The following CLUAP1 variants were observed in gnomAD, a reference collection of about 807,000 sequenced individuals.
CLUAP1 encodes the protein clusterin-associated protein 1.
In CLUAP1, 50 loss-of-function variants were observed where a neutral mutation model predicts 55.0. The ratio of observed to expected loss-of-function variants is 0.91; its 90% CI spans 0.72 to 1.15. The LOEUF is 1.15. CLUAP1 is among the 50% of genes most tolerant of loss of function. CLUAP1 has a pLI of 0.00. For missense variants in CLUAP1, 530 were observed against 507.6 expected, an observed-to-expected ratio of 1.04 and a Z score of -0.42; for synonymous variants, 195 against 175.4, an observed-to-expected ratio of 1.11 and a Z score of -0.88.
upstream of CLUAP1, chr16:3,500,791 G>A: frequency 1.9e-6 from 1 of 533,662 alleles, no homozygotes; most frequent in Non-Finnish European, 3.3e-6. Context: ...CGTCCGCAAA[G>A]CGTGTAAACA....
At chr16:3,528,362 T>C (rs975958987) in intron 9 of CLUAP1, among the ~76,000 whole-genome samples, 2 of 152,136 alleles carry the variant, frequency 1.3e-5, no homozygotes, top group African/African-American at 4.8e-5. Context: ...CTTGTATCTC[T>C]CTCATTTTGC....
At chr16:3,512,042 C>T (rs374703614) in intron 4 of CLUAP1, among the ~76,000 whole-genome samples, 6 of 152,098 alleles carry the variant, frequency 3.9e-5, no homozygotes, top group East Asian at 1.9e-4. Context: ...CAAAATTAGC[C>T]GGGCGTGGTG....
intron 6 of CLUAP1, among the ~76,000 whole-genome samples, chr16:3,517,072 A>T (rs2037741685): frequency 6.6e-6 from 1 of 152,118 alleles, no homozygotes; most frequent in Non-Finnish European, 1.5e-5. Flanking sequence ...GAGGCTGAGG[A>T]GGAGCAGGTC....
At chr16:3,503,097 C>T (rs1056701907) in intron 1 of CLUAP1, among the ~76,000 whole-genome samples, 12 of 152,164 alleles carry the variant, frequency 7.9e-5, no homozygotes, top group African/African-American at 2.9e-4. Context: ...GCCCCAGCCT[C>T]CCCAGTAACT....
At chr16:3,535,991 C>A in intron 11 of CLUAP1, 131 bp from the exon 12 acceptor site, 1 of 1,052,198 alleles carries the variant, frequency 9.5e-7, no homozygotes, top group Non-Finnish European at 1.4e-6. Context: ...CTCCCACAGC[C>A]TGCTTGCCAC....
chr16:3,536,366 C>T lies in CLUAP1; in HGVS notation c.*95C>T. 1 of 1,361,426 alleles carries T rather than the reference C, an allele frequency of 7.3e-7. No individual in the cohort carries two copies. The highest frequency in any genetic ancestry group is 1.4e-5 in the African/African-American group (1 of 69,114). 84.3% of individuals were successfully genotyped at this position (1,361,426 alleles called of 1,614,324 possible). ...AGGAAGGTAACCCCTGTTTTGTTTACTAAGCTGGCTGGACTCATGATCACT... is the reference window on the plus strand; with the variant it reads ...AGGAAGGTAACCCCTGTTTTGTTTATTAAGCTGGCTGGACTCATGATCACT... On this transcript the variant is annotated 3_prime_UTR_variant, in exon 12 of 12. Transcript: ENST00000576634.
intron 9 of CLUAP1, among the ~76,000 whole-genome samples, chr16:3,529,058 C>T (rs923318023): frequency 7.3e-5 from 11 of 151,668 alleles, no homozygotes; most frequent in African/African-American, 1.9e-4. Flanking sequence ...TCAATATCTG[C>T]GAAGAACTGG....
chr16:3,500,356 A>G (rs566211762), upstream of CLUAP1, among the ~76,000 whole-genome samples: 1 of 144,172 alleles, frequency 6.9e-6, no homozygotes, highest in Admixed American at 6.9e-5. Context: ...GGGCTTCCTG[A>G]GTATAGTGCA....
chr16:3,520,817 C>T (rs2151058021), intron 7 of CLUAP1, among the ~76,000 whole-genome samples: 1 of 152,274 alleles, frequency 6.6e-6, no homozygotes, highest in East Asian at 1.9e-4. Context: ...ATATATTTCC[C>T]AGGAATACCG....
At chr16:3,523,580 C>T (rs917669298) in intron 8 of CLUAP1, among the ~76,000 whole-genome samples, 13 of 152,148 alleles carry the variant, frequency 8.5e-5, no homozygotes, top group East Asian at 3.9e-4. Flanking sequence ...GACCCTGTGC[C>T]GACATGGGGC....
At chr16:3,521,423 GGTTTTTTTTGTTTTT>G (rs1238704948) in intron 7 of CLUAP1, among the ~76,000 whole-genome samples, 2 of 151,246 alleles carry the variant, frequency 1.3e-5, no homozygotes, top group Non-Finnish European at 2.9e-5. Context: ...AGATTTTTAT[GGTTTTTTTTGTTTTT>G]GTTTTTTTTT....
chr16:3,506,180 G>C (rs780168359), intron 2 of CLUAP1, 151 bp from the exon 3 acceptor site: 5 of 626,818 alleles, frequency 8.0e-6, no homozygotes, highest in Non-Finnish European at 1.4e-5. Context: ...ATTTGGTTTT[G>C]CTTTTGAAGT....
chr16:3,509,471 G>T (rs748024658), intron 4 of CLUAP1, among the ~76,000 whole-genome samples: 3 of 152,242 alleles, frequency 2.0e-5, no homozygotes, highest in Non-Finnish European at 4.4e-5. Flanking sequence ...CGAAGCAGGC[G>T]GCAGGGCTGG....
intron 5 of CLUAP1, 114 bp from the exon 6 acceptor site, chr16:3,515,394 C>T (rs2037710728): frequency 2.9e-6 from 2 of 688,484 alleles, no homozygotes; most frequent in Admixed American, 3.2e-5. Context: ...ATCAGAGATC[C>T]ACATGGCAAT....
At chr16:3,511,682 C>T (rs545958141) in intron 4 of CLUAP1, among the ~76,000 whole-genome samples, 1 of 152,288 alleles carries the variant, frequency 6.6e-6, no homozygotes, top group South Asian at 2.1e-4. Context: ...CTATGCCCTC[C>T]TGGTTGTGGC....
intron 8 of CLUAP1, among the ~76,000 whole-genome samples, 193 bp from the exon 9 acceptor site, chr16:3,526,219 C>T (rs752826358): frequency 8.3e-4 from 127 of 152,166 alleles, no homozygotes; most frequent in Non-Finnish European, 1.5e-3. Context: ...ACGAGGCAAC[C>T]GCAGAGAGAA....
chr16:3,519,066 C>G (rs1416693934), intron 6 of CLUAP1, among the ~76,000 whole-genome samples: 1 of 152,206 alleles, frequency 6.6e-6, no homozygotes, highest in South Asian at 2.1e-4. Context: ...GAGATTGGAG[C>G]CTGAACCCCA....
upstream of CLUAP1, among the ~76,000 whole-genome samples, chr16:3,496,996 C>T (rs1257119793): frequency 2.6e-5 from 4 of 151,678 alleles, no homozygotes; most frequent in South Asian, 6.2e-4. Context: ...TCGGCCTCCC[C>T]AGCAGGTGGG....
chr16:3,507,067 G>A (rs919784373), intron 3 of CLUAP1, among the ~76,000 whole-genome samples: 1 of 151,788 alleles, frequency 6.6e-6, no homozygotes, highest in Non-Finnish European at 1.5e-5. Context: ...GTGGTGGCGG[G>A]CACCTGTAGT....
Sources: allele counts gnomAD v4.1 joint callset (sites outside exome capture counted in the v4.1 genomes callset), GRCh38; gene constraint gnomAD v4.1.1; transcripts MANE v1.5; gene names NCBI Gene and HGNC (gene_info 2026-07-23, HGNC 2026-07-21).